FOXP1: variants seen among roughly 807,000 people sequenced by gnomAD.
FOXP1 encodes forkhead box protein P1.
In FOXP1, 15 loss-of-function variants were observed where a neutral mutation model predicts 98.2. The ratio of observed to expected loss-of-function variants is 0.15; its 90% CI spans 0.10 to 0.24. The LOEUF (loss-of-function observed/expected upper bound fraction) is 0.24, where lower values mean the gene tolerates loss of function less well. Ranked by LOEUF, FOXP1 falls within the 10% of genes least tolerant of loss-of-function variation. The pLI is 1.00. For synonymous variants in FOXP1, 371 were observed against 314.5 expected (o/e 1.18, Z -1.90); for missense variants, 633 against 848.5 (o/e 0.75, Z 3.15).
intron 5 of FOXP1, among the ~76,000 whole-genome samples, chr3:71,258,838 G>GTCAC (rs1476955873): frequency 6.6e-5 from 10 of 152,186 alleles, no homozygotes; most frequent in Non-Finnish European, 1.2e-4. Flanking sequence ...ACCTTTGACA[G>GTCAC]TAGCCCTAAG....
At chr3:71,024,593 A>G (rs936647452) in intron 11 of FOXP1, among the ~76,000 whole-genome samples, 1 of 152,160 alleles carries the variant, frequency 6.6e-6, no homozygotes, top group African/African-American at 2.4e-5. Flanking sequence ...CTCCTTCCCC[A>G]GAACGCTCAT....
chr3:70,967,067 C>T (rs186390037), intron 19 of FOXP1, among the ~76,000 whole-genome samples: 1 of 152,224 alleles, frequency 6.6e-6, no homozygotes, highest in Non-Finnish European at 1.5e-5. Context: ...TTTATCACAA[C>T]TGTCCTCCTG....
At chr3:71,495,004 A>T (rs1195925065) in intron 2 of FOXP1, among the ~76,000 whole-genome samples, 1 of 152,202 alleles carries the variant, frequency 6.6e-6, no homozygotes, top group Non-Finnish European at 1.5e-5. Context: ...ATAAAATTTG[A>T]ATTTCTTTCC....
intron 6 of FOXP1, among the ~76,000 whole-genome samples, chr3:71,144,604 G>A (rs183333431): frequency 7.9e-5 from 12 of 152,288 alleles, no homozygotes; most frequent in African/African-American, 2.6e-4. Flanking sequence ...ACAAGTGTTC[G>A]GGACCTGACA....
intron 5 of FOXP1, among the ~76,000 whole-genome samples, chr3:71,282,841 A>G (rs2107431908): frequency 6.6e-6 from 1 of 152,338 alleles, no homozygotes; most frequent in South Asian, 2.1e-4. Flanking sequence ...ACTGGCATCC[A>G]AACTCAGCCA....
intron 6 of FOXP1, among the ~76,000 whole-genome samples, chr3:71,148,271 G>A (rs745818027): frequency 2.6e-4 from 40 of 152,162 alleles, no homozygotes; most frequent in Non-Finnish European, 4.0e-4. Flanking sequence ...CAGATACTCA[G>A]GAGGCTGAGG....
At chr3:71,088,993 T>C (rs2055479680) in intron 7 of FOXP1, among the ~76,000 whole-genome samples, 2 of 152,162 alleles carry the variant, frequency 1.3e-5, no homozygotes, top group South Asian at 4.1e-4. Context: ...CTTTCTTCCA[T>C]CCAACATAGC....
chr3:71,347,160 G>T (rs569565570), intron 4 of FOXP1, among the ~76,000 whole-genome samples: 2 of 152,252 alleles, frequency 1.3e-5, no homozygotes, highest in African/African-American at 4.8e-5. Context: ...GAATGGTTTG[G>T]GTTTTAAAAA....
At chr3:71,486,688 G>A (rs1376271155) in intron 3 of FOXP1, among the ~76,000 whole-genome samples, 1 of 152,190 alleles carries the variant, frequency 6.6e-6, no homozygotes, top group Non-Finnish European at 1.5e-5. Context: ...CTTGAAGACA[G>A]AATAAAATGA....
At chr3:71,541,874 C>G (rs758333913) in intron 2 of FOXP1, 2 of 443,000 alleles carry the variant, frequency 4.5e-6, no homozygotes, top group South Asian at 3.4e-5. Context: ...TTTATTCAGA[C>G]GGTCTTGCCT....
At chr3:71,240,756 A>G (rs962177654) in intron 5 of FOXP1, among the ~76,000 whole-genome samples, 1 of 151,092 alleles carries the variant, frequency 6.6e-6, no homozygotes. Flanking sequence ...CATGTTAGCC[A>G]GGATGGTCTC....
At chr3:71,399,637 A>G (rs554957143) in intron 3 of FOXP1, among the ~76,000 whole-genome samples, 1 of 152,314 alleles carries the variant, frequency 6.6e-6, no homozygotes, top group South Asian at 2.1e-4. Flanking sequence ...TTGATAACCT[A>G]CAACCTTCTG....
intron 3 of FOXP1, among the ~76,000 whole-genome samples, chr3:71,381,153 C>CTTTT (rs375670056): frequency 2.1e-5 from 3 of 139,620 alleles, no homozygotes; most frequent in Admixed American, 7.2e-5. Flanking sequence ...GAGGTTCTCT[C>CTTTT]TTTTTTTTTT....
intron 9 of FOXP1, among the ~76,000 whole-genome samples, chr3:71,051,915 A>G (rs762645931): frequency 4.6e-5 from 7 of 152,216 alleles, no homozygotes; most frequent in Non-Finnish European, 7.3e-5. Flanking sequence ...TGCATATAGA[A>G]GCTATTATGA....
intron 2 of FOXP1, among the ~76,000 whole-genome samples, chr3:71,499,404 C>T (rs926593694): frequency 6.6e-6 from 1 of 152,230 alleles, no homozygotes; most frequent in Non-Finnish European, 1.5e-5. Context: ...TTTATACACA[C>T]ACATAATATA....
intron 2 of FOXP1, among the ~76,000 whole-genome samples, chr3:71,551,498 T>C (rs1309031571): frequency 6.6e-6 from 1 of 152,232 alleles, no homozygotes; most frequent in Non-Finnish European, 1.5e-5. Flanking sequence ...GGCAATGGCC[T>C]GGACAGACAG....
Position 71,380,118 on chromosome 3 carries a change from G to A in FOXP1, c.-167-20874C>T, listed in dbSNP as rs139684080. ...AATAATAAACCAAAAAGATGGGGGC[G>A]GGCAGGCAGGGAGGAGTTGGGATAT... On this transcript the variant is annotated intron_variant, in intron 3 of 20. Transcript: ENST00000649528. 1.4e-4 allele frequency among the ~76,000 whole-genome samples: 21 copies of A among 152,224 alleles called. No homozygotes were observed. In the East Asian group the frequency reaches 3.5e-3, roughly 25 times the overall value.
intron 2 of FOXP1, among the ~76,000 whole-genome samples, chr3:71,533,803 T>C (rs1336344991): frequency 6.6e-6 from 1 of 152,210 alleles, no homozygotes; most frequent in African/African-American, 2.4e-5. Context: ...GATGCAATCC[T>C]CCAGAGAGCT....
intron 14 of FOXP1, among the ~76,000 whole-genome samples, chr3:70,984,827 C>T (rs967424599): frequency 2.0e-5 from 3 of 152,184 alleles, no homozygotes; most frequent in African/African-American, 7.2e-5. Flanking sequence ...TGTCCAAAAA[C>T]TTGGGCACCT....
Sources: gnomAD v4.1 joint callset for allele counts (sites outside exome capture counted in the v4.1 genomes callset) on GRCh38, gnomAD v4.1.1 for gene constraint, MANE v1.5 for transcripts, NCBI Gene and HGNC (gene_info 2026-07-23, HGNC 2026-07-21) for gene names.